Variants in MANEA observed in about 807,000 individuals in gnomAD.
The protein encoded by MANEA is mannosidase endo-alpha.
MANEA carries 25 observed loss-of-function variants against 36.8 expected under a neutral mutation model. The ratio of observed to expected loss-of-function variants is 0.68; its 90% CI spans 0.50 to 0.95. MANEA has a LOEUF of 0.95. Among genes scored for constraint, MANEA ranks in the 40% least tolerant of loss-of-function variants. MANEA has a pLI of 0.00. For synonymous variants in MANEA, 198 were observed against 188.5 expected (o/e 1.05, Z -0.41); for missense variants, 565 against 558.8 (o/e 1.01, Z -0.11).
At chr6:95,582,796 G>C (rs1479717081) in intron 1 of MANEA, among the ~76,000 whole-genome samples, 2 of 152,046 alleles carry the variant, frequency 1.3e-5, no homozygotes. Context: ...TATATATAGT[G>C]TATGTATGTG....
rs74883757 is a variant in MANEA at position 95,581,299 on chromosome 6, T to C, written c.-39+3661T>C. ...CTCTTAAAATTGAGCTTGTGTGTCA[T>C]CTATAATGATGTGATAAACACACAT... On this transcript the variant is annotated intron_variant, in intron 1 of 4. Transcript: ENST00000358812. Among the ~76,000 whole-genome samples, 590 of 152,290 alleles carry C rather than the reference T, an allele frequency of 3.9e-3. 5 individuals carry two copies. The highest frequency in any genetic ancestry group is 0.013 in the African/African-American group (555 of 41,558).
chr6:95,593,601 C>T (rs7773709), intron 2 of MANEA, among the ~76,000 whole-genome samples: 90,812 of 152,022 alleles, frequency 0.6, 27,527 homozygotes, highest in East Asian at 0.87. Context: ...ACACTTGAAA[C>T]GTAGCTAGTT....
rs1472080922 is a variant in MANEA at position 95,604,853 on chromosome 6, C to T, written c.681C>T (p.Ser227=). The part of the protein sequence containing the change: ...LKVTFHIEPY[S]NRDDQNMYKN... ...TTACTTTTCACATAGAACCATATAGCAATCGAGATGATCAAAACATGTACA... is the reference window on the plus strand; with the variant it reads ...TTACTTTTCACATAGAACCATATAGTAATCGAGATGATCAAAACATGTACA... Residue 227 remains serine, a synonymous_variant, in exon 4 of 5, where the codon AGC becomes AGT. Coordinates refer to ENST00000358812, the MANE Select transcript of MANEA (RefSeq NM_024641.4). 2.7e-6 allele frequency: 4 copies of T among 1,484,872 alleles called. No individual in the cohort carries two copies. The South Asian group carries it at 4.1e-5, about 15-fold the overall frequency. The allele number at this position is 1,484,872 out of a possible 1,614,324, so 92.0% of individuals were successfully genotyped here. A position where few individuals can be genotyped will look rare whatever the true frequency, so the allele number is the denominator to read the frequency against.
chr6:95,581,185 A>G (rs966236013), intron 1 of MANEA, among the ~76,000 whole-genome samples: 11 of 152,222 alleles, frequency 7.2e-5, no homozygotes, highest in Admixed American at 4.6e-4. Flanking sequence ...TACAGAGCTC[A>G]TATTTTAAAT....
chr6:95,581,611 A>C (rs931433919), intron 1 of MANEA, among the ~76,000 whole-genome samples: 1 of 152,240 alleles, frequency 6.6e-6, no homozygotes, highest in African/African-American at 2.4e-5. Context: ...ATCAGTAGGC[A>C]AAACAGATAC....
At chr6:95,587,265 C>T (rs954118677) in intron 2 of MANEA, 7 of 364,246 alleles carry the variant, frequency 1.9e-5, no homozygotes, top group Admixed American at 4.3e-5. Flanking sequence ...TTATGATTTA[C>T]ATAAAATACA....
intron 3 of MANEA, among the ~76,000 whole-genome samples, chr6:95,603,405 T>C (rs947049264): frequency 6.6e-6 from 1 of 152,154 alleles, no homozygotes; most frequent in African/African-American, 2.4e-5. Flanking sequence ...ACCAAAGTTA[T>C]TGAGAAATCT....
At chr6:95,590,617 T>C (rs913607141) in intron 2 of MANEA, among the ~76,000 whole-genome samples, 2 of 152,222 alleles carry the variant, frequency 1.3e-5, no homozygotes, top group African/African-American at 4.8e-5. Context: ...AAAATTTCCT[T>C]TTATAATAAC....
At chr6:95,596,627 G>A (rs1337484587) in intron 2 of MANEA, 110 bp from the exon 3 acceptor site, 5 of 591,698 alleles carry the variant, frequency 8.5e-6, no homozygotes, top group African/African-American at 3.7e-5. Flanking sequence ...AAACCACCTC[G>A]TATAAATATG....
At chr6:95,578,644 C>T (rs1391737011) in intron 1 of MANEA, among the ~76,000 whole-genome samples, 1 of 151,840 alleles carries the variant, frequency 6.6e-6, no homozygotes, top group Non-Finnish European at 1.5e-5. Context: ...AAAAACACCC[C>T]CCAAAACAAA....
In MANEA at chr6:95,604,863, G is replaced by A. The variant is rs1280741214; in HGVS notation, c.691G>A (p.Asp231Asn). The A allele has an allele frequency of 3.4e-6, 5 of 1,490,416 alleles. No individual in the cohort carries two copies. Among genetic ancestry groups the A allele is most frequent in the Non-Finnish European group, 4.5e-6 (5 of 1,102,670 alleles). The allele number at this position is 1,490,416 out of a possible 1,614,324, so 92.3% of individuals were successfully genotyped here. A position where few individuals can be genotyped will look rare whatever the true frequency, so the allele number is the denominator to read the frequency against. The part of the protein sequence containing the change: ...FHIEPYSNRD[D>N]QNMYKNVKYI... ...CATAGAACCATATAGCAATCGAGATGATCAAAACATGTACAAAAATGTCAA... is the reference window on the plus strand; with the variant it reads ...CATAGAACCATATAGCAATCGAGATAATCAAAACATGTACAAAAATGTCAA... Residue 231 changes from aspartate (D) to asparagine (N), a missense_variant, in exon 4 of 5, where the codon GAT becomes AAT. Transcript: ENST00000358812.
rs533843112 is a variant in MANEA, at chr6:95,606,045, A to G, written c.1029A>G (p.Leu343=). The G allele has an allele frequency of 6.2e-7, 1 of 1,614,084 alleles. No homozygotes were observed. The highest frequency in any genetic ancestry group is 8.5e-7 in the Non-Finnish European group (1 of 1,179,970). Residue 343 remains leucine (L), a synonymous_variant, in exon 5 of 5, where the codon TTA becomes TTG. Transcript: ENST00000358812. ...ATCAGAATTGGGCTAGCCTAAAATT[A>G]TTTTGTGATAAATACAACTTAATAT... The part of the protein sequence containing the change: ...SSHQNWASLK[L]FCDKYNLIFI...
At chr6:95,603,155 C>T (rs2127945335) in intron 3 of MANEA, among the ~76,000 whole-genome samples, 1 of 150,382 alleles carries the variant, frequency 6.6e-6, no homozygotes, top group Non-Finnish European at 1.5e-5. Flanking sequence ...ATATATTGAT[C>T]TGCGCTTTAC....
intron 3 of MANEA, among the ~76,000 whole-genome samples, chr6:95,603,104 T>C (rs979270558): frequency 5.3e-5 from 8 of 150,092 alleles, no homozygotes; most frequent in African/African-American, 1.7e-4. Context: ...TGAGGGAAAA[T>C]TTTAAATATT....
rs1769764449 is a variant in MANEA at position 95,608,738 on chromosome 6, A to T, written c.*2333A>T. The T allele has an allele frequency of 6.6e-6, 1 of 151,816 alleles. No homozygotes were observed. The highest frequency in any genetic ancestry group is 2.4e-5 in the African/African-American group (1 of 41,410). 9.4% of individuals were successfully genotyped at this position (151,816 alleles called of 1,614,324 possible). On this transcript the variant is annotated 3_prime_UTR_variant, in exon 5 of 5. Coordinates refer to ENST00000358812, the MANE Select transcript of MANEA (RefSeq NM_024641.4). ...CCCCTATAGATACCAAAATCTGCAG[A>T]TGCTCAAGTCCCTGATATAAACTGG...
chr6:95,603,636 A>G (rs553257418), intron 3 of MANEA, among the ~76,000 whole-genome samples: 3 of 152,174 alleles, frequency 2.0e-5, no homozygotes, highest in African/African-American at 4.8e-5. Context: ...TAATTGGGTA[A>G]TTGAAAACAG....
intron 2 of MANEA, among the ~76,000 whole-genome samples, chr6:95,593,375 G>C (rs1202108144): frequency 6.6e-6 from 1 of 152,172 alleles, no homozygotes; most frequent in Non-Finnish European, 1.5e-5. Context: ...AACATTGTAA[G>C]GGAGAAGAAA....
chr6:95,578,340 G>A (rs1769112062), intron 1 of MANEA, among the ~76,000 whole-genome samples: 1 of 152,150 alleles, frequency 6.6e-6, no homozygotes, highest in South Asian at 2.1e-4. Flanking sequence ...GTTGTTGTAA[G>A]ACCCTACGGA....
Position 95,596,836 on chromosome 6 carries a change from A to G in MANEA, c.644A>G (p.Tyr215Cys). Residue 215 changes from tyrosine (Y) to cysteine (C), a missense_variant, in exon 3 of 5, where the codon TAT (tyrosine) becomes TGT (cysteine). By Grantham distance (194) the Tyr-to-Cys change is radical (BLOSUM62 -2). Transcript: ENST00000358812. ...VPTILDKAHK[Y>C]NLKVTFHIEP... ...ACTATTTTGGATAAAGCTCATAAAT[A>G]TAACCTAAAGGTATTTTATTTTATT... 1 of 1,509,772 alleles carries G rather than the reference A, an allele frequency of 6.6e-7. No individual in the cohort carries two copies. The highest frequency in any genetic ancestry group is 9.2e-7 in the Non-Finnish European group (1 of 1,085,570). 93.5% of individuals were successfully genotyped at this position (1,509,772 alleles called of 1,614,324 possible). A position where few individuals can be genotyped will look rare whatever the true frequency, so the allele number is the denominator to read the frequency against.
Sources: gnomAD v4.1 joint callset for allele counts (sites outside exome capture counted in the v4.1 genomes callset) on GRCh38, gnomAD v4.1.1 for gene constraint, MANE v1.5 for transcripts, NCBI Gene and HGNC (gene_info 2026-07-23, HGNC 2026-07-21) for gene names.